The following LDLRAD4 variants were observed in gnomAD, a reference collection of about 807,000 sequenced individuals.
The protein encoded by LDLRAD4 is low density lipoprotein receptor class A domain containing 4, also known as low-density lipoprotein receptor class A domain-containing protein 4.
In LDLRAD4, 5 loss-of-function variants were observed where a neutral mutation model predicts 17.0. That is an observed-to-expected ratio of 0.29 (90% CI 0.15 to 0.62). LDLRAD4 has a LOEUF of 0.62. Ranked by LOEUF, LDLRAD4 falls within the 20% of genes least tolerant of loss-of-function variation. The probability of loss-of-function intolerance (pLI) is 0.84; values close to 1 mark genes in which losing one functional copy is unlikely to be tolerated. For missense variants in LDLRAD4, 340 were observed against 424.7 expected (o/e 0.80, Z 1.75); for synonymous variants, 168 against 171.8 (o/e 0.98, Z 0.17).
chr18:13,568,389 T>G (rs2094636682), intron 3 of LDLRAD4, among the ~76,000 whole-genome samples: 1 of 152,122 alleles, frequency 6.6e-6, no homozygotes, highest in African/African-American at 2.4e-5. Flanking sequence ...GTTATCTCTT[T>G]CGGCCCCACT....
intron 4 of LDLRAD4, chr18:13,641,666 G>A: frequency 2.6e-6 from 2 of 761,204 alleles, no homozygotes; most frequent in Non-Finnish European, 3.2e-6. Context: ...AGGAGCAGCA[G>A]GCGCGCCTCT....
chr18:13,369,030 A>G (rs1265409827), intron 1 of LDLRAD4, among the ~76,000 whole-genome samples: 1 of 152,226 alleles, frequency 6.6e-6, no homozygotes, highest in Non-Finnish European at 1.5e-5. Flanking sequence ...TGCCAGAGCC[A>G]GCTCAGTCAT....
intron 1 of LDLRAD4, among the ~76,000 whole-genome samples, chr18:13,324,696 C>CT (rs1379748120): frequency 1.3e-5 from 2 of 152,224 alleles, no homozygotes; most frequent in South Asian, 4.1e-4. Flanking sequence ...AAAAAAGTGT[C>CT]TGAGACAGGT....
chr18:13,233,995 G>T (rs1346636330), intron 1 of LDLRAD4, among the ~76,000 whole-genome samples: 1 of 152,076 alleles, frequency 6.6e-6, no homozygotes, highest in Non-Finnish European at 1.5e-5. Context: ...CACTTCTTTC[G>T]TCACCTTTTC....
At chr18:13,236,307 C>CTTTTTTTTTTTTTTTTTTTT (rs777785875) in intron 1 of LDLRAD4, 1 of 113,384 alleles carries the variant, frequency 8.8e-6, no homozygotes, top group African/African-American at 3.9e-5. Flanking sequence ...AATAGAAAAA[C>CTTTTTTTTTTTTTTTTTTTT]TTTTTTTTTT....
At chr18:13,244,335 G>A (rs1212669388) in intron 1 of LDLRAD4, among the ~76,000 whole-genome samples, 1 of 147,438 alleles carries the variant, frequency 6.8e-6, no homozygotes, top group Non-Finnish European at 1.5e-5. Flanking sequence ...TCCAACCCAC[G>A]AATCCACCTA....
chr18:13,438,586 G>A (rs1040580164), intron 3 of LDLRAD4, among the ~76,000 whole-genome samples: 1 of 152,266 alleles, frequency 6.6e-6, no homozygotes, highest in East Asian at 1.9e-4. Context: ...CTCTAAAGTG[G>A]TCAGCGGAGC....
At chr18:13,359,929 A>C (rs1318974644) in intron 1 of LDLRAD4, among the ~76,000 whole-genome samples, 2 of 152,242 alleles carry the variant, frequency 1.3e-5, no homozygotes, top group Non-Finnish European at 2.9e-5. Context: ...GCCAACAGGC[A>C]TGGCTAAGGC....
intron 3 of LDLRAD4, among the ~76,000 whole-genome samples, chr18:13,510,904 C>T (rs1195541338): frequency 6.6e-6 from 1 of 152,076 alleles, no homozygotes; most frequent in East Asian, 1.9e-4. Flanking sequence ...AGGGAAACTT[C>T]AACACAAAAC....
At chr18:13,432,472 A>T (rs946566527) in intron 2 of LDLRAD4, among the ~76,000 whole-genome samples, 3 of 152,188 alleles carry the variant, frequency 2.0e-5, no homozygotes, top group Admixed American at 2.0e-4. Context: ...AAAAAGAGTG[A>T]CAGATCCTGT....
Position 13,526,330 on chromosome 18 carries a change from G to A in LDLRAD4, c.181+87946G>A, listed in dbSNP as rs567703007. 4 of 152,276 alleles carry A rather than the reference G, an allele frequency of 2.6e-5. No homozygotes were observed. In the East Asian group the frequency reaches 7.7e-4, roughly 29 times the overall value. 9.4% of individuals were successfully genotyped at this position (152,276 alleles called of 1,614,324 possible). On this transcript the variant is annotated intron_variant, in intron 3 of 5. Transcript: ENST00000359446. ...GGGGCATGTCATAAAGTGTGTGGAA[G>A]GGATTTTTATAATATTGGAAAACAT...
intron 1 of LDLRAD4, among the ~76,000 whole-genome samples, chr18:13,288,033 A>G (rs1385857495): frequency 6.6e-6 from 1 of 152,208 alleles, no homozygotes; most frequent in Non-Finnish European, 1.5e-5. Context: ...ATCCTCTCCA[A>G]AGTGATCACT....
intron 3 of LDLRAD4, among the ~76,000 whole-genome samples, chr18:13,608,335 G>C (rs545763649): frequency 6.6e-6 from 1 of 152,182 alleles, no homozygotes; most frequent in Non-Finnish European, 1.5e-5. Flanking sequence ...GGCTGTGGAG[G>C]GGGAGGCAAC....
At chr18:13,453,785 C>T (rs1005637411) in intron 3 of LDLRAD4, among the ~76,000 whole-genome samples, 1 of 152,220 alleles carries the variant, frequency 6.6e-6, no homozygotes, top group African/African-American at 2.4e-5. Context: ...CTCTGTTGCC[C>T]CTCATTACCT....
intron 3 of LDLRAD4, among the ~76,000 whole-genome samples, chr18:13,439,584 G>T (rs560414936): frequency 6.6e-6 from 1 of 152,322 alleles, no homozygotes; most frequent in East Asian, 1.9e-4. Context: ...TGTTTTGTGC[G>T]GTAGTCTCTG....
chr18:13,392,963 A>G (rs2086388550), intron 2 of LDLRAD4, among the ~76,000 whole-genome samples: 2 of 152,174 alleles, frequency 1.3e-5, no homozygotes, highest in South Asian at 2.1e-4. Flanking sequence ...CTTAGCCACT[A>G]ATGAGACTGA....
intron 3 of LDLRAD4, among the ~76,000 whole-genome samples, chr18:13,474,510 G>C (rs1437894201): frequency 6.6e-6 from 1 of 152,248 alleles, no homozygotes; most frequent in Non-Finnish European, 1.5e-5. Flanking sequence ...AGAAAGTGAT[G>C]GTGTGGCCAG....
intron 3 of LDLRAD4, among the ~76,000 whole-genome samples, chr18:13,517,955 C>T (rs1317399184): frequency 2.0e-5 from 3 of 152,090 alleles, no homozygotes; most frequent in Non-Finnish European, 2.9e-5. Context: ...AGGATGGTCT[C>T]GATCTCCTGA....
intron 3 of LDLRAD4, among the ~76,000 whole-genome samples, chr18:13,571,638 A>T: frequency 6.6e-6 from 1 of 152,014 alleles, no homozygotes; most frequent in East Asian, 1.9e-4. Flanking sequence ...TAAACTTTTT[A>T]TTTATTTATT....
Sources: allele counts gnomAD v4.1 joint callset (sites outside exome capture counted in the v4.1 genomes callset), GRCh38; gene constraint gnomAD v4.1.1; transcripts MANE v1.5; gene names NCBI Gene and HGNC (gene_info 2026-07-23, HGNC 2026-07-21).